DCC: variants seen among roughly 807,000 people sequenced by gnomAD.
DCC encodes DCC netrin 1 receptor.
DCC carries 58 observed loss-of-function variants against 172.5 expected under a neutral mutation model. The observed-to-expected ratio is 0.34, with a 90% CI of 0.27 to 0.42. The LOEUF is 0.42. DCC is among the 10% of genes least tolerant of loss of function. The pLI is 1.00. For synonymous variants in DCC, 709 were observed against 644.5 expected (o/e 1.10, Z -1.52); for missense variants, 1,740 against 1,791.0 (o/e 0.97, Z 0.51).
At chr18:52,871,162 G>T (rs1310098845) in intron 2 of DCC, among the ~76,000 whole-genome samples, 1 of 152,058 alleles carries the variant, frequency 6.6e-6, no homozygotes, top group African/African-American at 2.4e-5. Context: ...TATATATCTT[G>T]GGTTCTCAAC....
At chr18:52,486,349 A>G (rs371840293) in intron 1 of DCC, among the ~76,000 whole-genome samples, 71 of 152,232 alleles carry the variant, frequency 4.7e-4, no homozygotes, top group African/African-American at 1.5e-3. Flanking sequence ...TTTACTGACC[A>G]GCCATTTGAG....
intron 12 of DCC, among the ~76,000 whole-genome samples, chr18:53,298,393 A>T (rs923929178): frequency 6.6e-6 from 1 of 151,832 alleles, no homozygotes; most frequent in African/African-American, 2.4e-5. Context: ...GAAAGTATTT[A>T]GCCGGACTAT....
chr18:53,403,078 A>G (rs1476009675), intron 19 of DCC, among the ~76,000 whole-genome samples, 185 bp downstream of exon 19: 14 of 3,866 alleles, frequency 3.6e-3, no homozygotes, highest in Non-Finnish European at 8.2e-3. Flanking sequence ...AATGGTGCAC[A>G]CACACACACA....
At chr18:52,353,828 C>T (rs1984239339) in intron 1 of DCC, among the ~76,000 whole-genome samples, 11 of 152,150 alleles carry the variant, frequency 7.2e-5, no homozygotes. Context: ...CTGCTTAGCT[C>T]ATGAACTGTA....
At chr18:53,338,604 A>T (rs1232667244) in intron 14 of DCC, among the ~76,000 whole-genome samples, 1 of 152,222 alleles carries the variant, frequency 6.6e-6, no homozygotes, top group Non-Finnish European at 1.5e-5. Context: ...CCGTCTCAAC[A>T]AATAAATAAA....
intron 2 of DCC, among the ~76,000 whole-genome samples, chr18:52,875,277 A>G (rs2039386627): frequency 6.6e-6 from 1 of 152,108 alleles, no homozygotes; most frequent in African/African-American, 2.4e-5. Flanking sequence ...TTCTTGCCAG[A>G]ATCAATAAAA....
At chr18:52,776,314 A>C (rs1158356599) in intron 2 of DCC, among the ~76,000 whole-genome samples, 4 of 145,636 alleles carry the variant, frequency 2.7e-5, no homozygotes, top group Admixed American at 2.7e-4. Context: ...GCTCTTAAAC[A>C]TTTAATTTAT....
chr18:52,815,376 A>G (rs969738726), intron 2 of DCC, among the ~76,000 whole-genome samples: 1 of 151,414 alleles, frequency 6.6e-6, no homozygotes, highest in Non-Finnish European at 1.5e-5. Context: ...AGGAAGAGAT[A>G]GTAGAGCGCT....
At chr18:52,995,677 C>A (rs960415613) in intron 5 of DCC, among the ~76,000 whole-genome samples, 8 of 152,020 alleles carry the variant, frequency 5.3e-5, no homozygotes, top group African/African-American at 1.9e-4. Context: ...TCCTTAAGTT[C>A]TCAGTTGGAA....
At chr18:53,502,434 T>C (rs1254882818) in intron 27 of DCC, among the ~76,000 whole-genome samples, 1 of 152,118 alleles carries the variant, frequency 6.6e-6, no homozygotes, top group East Asian at 1.9e-4. Context: ...AAAGGGCTAA[T>C]GTTTACTTAT....
At chr18:52,637,866 T>A (rs1335113555) in intron 1 of DCC, among the ~76,000 whole-genome samples, 1 of 152,156 alleles carries the variant, frequency 6.6e-6, no homozygotes, top group Non-Finnish European at 1.5e-5. Context: ...ACATTGTCAT[T>A]GGGTTATCCA....
intron 1 of DCC, among the ~76,000 whole-genome samples, chr18:52,412,330 C>T (rs1055799282): frequency 5.3e-5 from 8 of 151,836 alleles, no homozygotes; most frequent in South Asian, 2.1e-4. Flanking sequence ...CCCTGTTACA[C>T]GGAGGATATG....
intron 1 of DCC, among the ~76,000 whole-genome samples, chr18:52,742,491 T>C (rs775143458): frequency 1.9e-4 from 29 of 152,200 alleles, no homozygotes; most frequent in Non-Finnish European, 3.4e-4. Flanking sequence ...CAGCCTTGAA[T>C]AATGCCTGAT....
At chr18:53,403,448 T>C (rs1402771691) in intron 19 of DCC, among the ~76,000 whole-genome samples, 4 of 152,236 alleles carry the variant, frequency 2.6e-5, no homozygotes, top group Admixed American at 2.0e-4. Context: ...TGACAGATTT[T>C]ATTTTGCCAA....
intron 1 of DCC, among the ~76,000 whole-genome samples, chr18:52,390,545 A>C (rs72916977): frequency 6.6e-6 from 1 of 152,008 alleles, no homozygotes. Flanking sequence ...ATTTCACACT[A>C]TAGTCATTTG....
At chr18:52,419,792 T>G (rs548480217) in intron 1 of DCC, 1 of 152,300 alleles carries the variant, frequency 6.6e-6, no homozygotes, top group South Asian at 2.1e-4. Context: ...AAAACCCATT[T>G]TTTCTTCCTC....
chr18:52,953,028 A>AAAAAAT (rs2040682314), intron 5 of DCC, among the ~76,000 whole-genome samples: 2 of 143,750 alleles, frequency 1.4e-5, no homozygotes, highest in African/African-American at 2.6e-5. Context: ...AAAAAAAAAA[A>AAAAAAT]CTCATAACAT....
intron 12 of DCC, among the ~76,000 whole-genome samples, chr18:53,251,263 T>A (rs944181766): frequency 6.6e-6 from 1 of 151,984 alleles, no homozygotes; most frequent in Non-Finnish European, 1.5e-5. Flanking sequence ...AACAGCCTCA[T>A]CTTATCCTGG....
intron 15 of DCC, among the ~76,000 whole-genome samples, chr18:53,365,874 A>G (rs1437033319): frequency 2.0e-5 from 3 of 152,216 alleles, no homozygotes; most frequent in Admixed American, 2.0e-4. Context: ...CTTTGCTGAC[A>G]AAGCTCTAGT....
Sources: gnomAD v4.1 joint callset for allele counts (sites outside exome capture counted in the v4.1 genomes callset) on GRCh38, gnomAD v4.1.1 for gene constraint, MANE v1.5 for transcripts, NCBI Gene and HGNC (gene_info 2026-07-23, HGNC 2026-07-21) for gene names.